The following ZNF608 variants were observed in gnomAD, a reference collection of about 807,000 sequenced individuals.
ZNF608 encodes the protein zinc finger protein 608, also known as renal carcinoma antigen NY-REN-36.
A neutral mutation model predicts 109.0 loss-of-function variants in ZNF608; 12 were observed. That is an observed-to-expected ratio of 0.11 (90% CI 0.07 to 0.18). The LOEUF (loss-of-function observed/expected upper bound fraction) is 0.18, where lower values mean the gene tolerates loss of function less well. ZNF608 is among the 10% of genes least tolerant of loss of function. ZNF608 has a pLI of 1.00. For missense variants in ZNF608, 1,707 were observed against 1,879.3 expected, an observed-to-expected ratio of 0.91 and a Z score of 1.70; for synonymous variants, 732 against 717.4, an observed-to-expected ratio of 1.02 and a Z score of -0.33.
At chr5:124,671,761 G>A (rs115700544) in intron 3 of ZNF608, among the ~76,000 whole-genome samples, 12,694 of 150,216 alleles carry the variant, frequency 0.085, 644 homozygotes, top group Middle Eastern at 0.18. Context: ...TCAGCCTCCC[G>A]AGTACCTGGG....
chr5:124,679,210 A>T (rs938706964), intron 3 of ZNF608, among the ~76,000 whole-genome samples: 1 of 152,256 alleles, frequency 6.6e-6, no homozygotes, highest in Non-Finnish European at 1.5e-5. Context: ...CTCAACTGGC[A>T]GAACAGCACG....
intron 2 of ZNF608, among the ~76,000 whole-genome samples, chr5:124,713,419 A>G (rs1277572063): frequency 6.6e-6 from 1 of 152,216 alleles, no homozygotes; most frequent in Non-Finnish European, 1.5e-5. Context: ...CTACAGATGA[A>G]TTTTTGCAGT....
intron 3 of ZNF608, among the ~76,000 whole-genome samples, chr5:124,700,572 T>C (rs1753011628): frequency 6.6e-6 from 1 of 152,236 alleles, no homozygotes; most frequent in Non-Finnish European, 1.5e-5. Flanking sequence ...ATCATGACAA[T>C]GATCCTCACT....
At chr5:124,718,289 C>T (rs1310502249) in intron 2 of ZNF608, among the ~76,000 whole-genome samples, 1 of 152,204 alleles carries the variant, frequency 6.6e-6, no homozygotes, top group East Asian at 1.9e-4. Flanking sequence ...AATTCTCTTT[C>T]ACATGCGTTA....
chr5:124,672,758 T>C (rs989989865), intron 3 of ZNF608, among the ~76,000 whole-genome samples: 2 of 152,218 alleles, frequency 1.3e-5, no homozygotes, highest in African/African-American at 2.4e-5. Context: ...CAACATGACA[T>C]TCTTTGAAGG....
intron 2 of ZNF608, among the ~76,000 whole-genome samples, chr5:124,732,975 G>T (rs141988358): frequency 8.6e-4 from 131 of 151,808 alleles, no homozygotes; most frequent in African/African-American, 3.0e-3. Flanking sequence ...CTTAAAAGAT[G>T]CACTTGGCTA....
chr5:124,671,149 AG>A (rs1751699052), intron 3 of ZNF608, among the ~76,000 whole-genome samples: 1 of 152,212 alleles, frequency 6.6e-6, no homozygotes, highest in Non-Finnish European at 1.5e-5. Flanking sequence ...TGTGGGCTTG[AG>A]GGAATAAAAA....
intron 3 of ZNF608, among the ~76,000 whole-genome samples, chr5:124,669,218 C>T (rs757909427): frequency 6.6e-6 from 1 of 152,134 alleles, no homozygotes; most frequent in Non-Finnish European, 1.5e-5. Context: ...GACTCAGCAT[C>T]CCCCACCGAA....
At chr5:124,734,086 G>T (rs1012760304) in intron 2 of ZNF608, among the ~76,000 whole-genome samples, 1 of 152,070 alleles carries the variant, frequency 6.6e-6, no homozygotes, top group Non-Finnish European at 1.5e-5. Context: ...ACAGTGATGC[G>T]ATCAACATAA....
chr5:124,650,186 C>T (rs1158016478), intron 3 of ZNF608, among the ~76,000 whole-genome samples: 1 of 152,128 alleles, frequency 6.6e-6, no homozygotes. Context: ...AATAATTATG[C>T]AGGTGCATAA....
chr5:124,646,715 C>T lies in ZNF608; in HGVS notation c.3669G>A (p.Lys1223=). Residue 1223 remains lysine (K), a synonymous_variant, in exon 5 of 10, where the codon AAG becomes AAA. Transcript: ENST00000513986. ...TCGAGGTTGGGTCTACACCTGTCTGCTTCATAGAGTCCATGACAGACTTCA... is the reference window on the plus strand; with the variant it reads ...TCGAGGTTGGGTCTACACCTGTCTGTTTCATAGAGTCCATGACAGACTTCA... ...VEMKSVMDSM[K]QTGVDPTSRF... The T allele has an allele frequency of 6.2e-7, 1 of 1,614,168 alleles. No homozygotes were observed.
rs557244419 is a variant in ZNF608 at position 124,744,462 on chromosome 5, G to C, written c.528C>G (p.Ala176=). ...CACAGGAGCCTGCCCCCGCGGTGGC[G>C]GCAGAGGTGCTGGTGCTGGTACTAT... ...NSNSTSTSTS[A]ATAGAGSCGK... is the part of the protein sequence containing the mutation. The change falls in exon 2 of 10, where the codon GCC becomes GCG. Residue 176 remains alanine (A), a synonymous_variant. Transcript: ENST00000513986. The surrounding 1 kb of genome is among the most constrained non-coding windows in gnomAD (Gnocchi z 4.5). 9 of 1,614,186 alleles carry C rather than the reference G, an allele frequency of 5.6e-6. No individual in the cohort carries two copies. In the East Asian group the frequency reaches 1.8e-4, roughly 32 times the overall value.
intron 3 of ZNF608, among the ~76,000 whole-genome samples, chr5:124,682,881 C>T (rs1752250681): frequency 6.6e-6 from 1 of 152,214 alleles, no homozygotes; most frequent in African/African-American, 2.4e-5. Flanking sequence ...ACCACTGCCT[C>T]TTGGCATTCA....
chr5:124,638,765 C>A, intron 9 of ZNF608: 1 of 926,702 alleles, frequency 1.1e-6, no homozygotes, highest in South Asian at 2.6e-5. Context: ...TTTAAAATAT[C>A]AAAGAACAAA....
intron 3 of ZNF608, among the ~76,000 whole-genome samples, chr5:124,699,792 TC>T (rs1460604004): frequency 6.6e-6 from 1 of 152,220 alleles, no homozygotes; most frequent in Non-Finnish European, 1.5e-5. Flanking sequence ...TTTATCTTCT[TC>T]TTTCATTTCC....
In ZNF608 at chr5:124,724,730, G is replaced by T. The variant is rs1235051346; in HGVS notation, c.906+19354C>A. ...AAAGGTACCATTTTGTCCACTCTCTGAAAAAGGACTCAGTATTTACGATCT... is the reference window on the plus strand; with the variant it reads ...AAAGGTACCATTTTGTCCACTCTCTTAAAAAGGACTCAGTATTTACGATCT... On this transcript the variant is annotated intron_variant, in intron 2 of 9. Coordinates refer to ENST00000513986, the MANE Select transcript of ZNF608 (RefSeq NM_020747.3). Among the ~76,000 whole-genome samples, 3 of 152,004 alleles carry T rather than the reference G, an allele frequency of 2.0e-5. 1 individual carries two copies. Among genetic ancestry groups the T allele is most frequent in the East Asian group, 3.9e-4 (2 of 5,184 alleles).
intron 2 of ZNF608, among the ~76,000 whole-genome samples, chr5:124,711,167 G>T (rs996525995): frequency 2.0e-5 from 3 of 152,134 alleles, no homozygotes; most frequent in African/African-American, 7.2e-5. Flanking sequence ...TTGCTCACAG[G>T]TCCAGAATTC....
intron 3 of ZNF608, among the ~76,000 whole-genome samples, chr5:124,655,535 T>C (rs760672515): frequency 6.6e-6 from 1 of 152,192 alleles, no homozygotes; most frequent in Non-Finnish European, 1.5e-5. Flanking sequence ...ATTCATGCCA[T>C]ATGCCTTTAA....
chr5:124,679,959 G>A (rs951379794), intron 3 of ZNF608, among the ~76,000 whole-genome samples: 22 of 152,128 alleles, frequency 1.4e-4, no homozygotes, highest in African/African-American at 3.9e-4. Context: ...CCAGCTTGGC[G>A]AACAGCTCAT....
Sources: allele counts gnomAD v4.1 joint callset (sites outside exome capture counted in the v4.1 genomes callset), GRCh38; gene constraint gnomAD v4.1.1; non-coding constraint Gnocchi (gnomAD v3.1); transcripts MANE v1.5; gene names NCBI Gene and HGNC (gene_info 2026-07-23, HGNC 2026-07-21).